LPXN: variants seen among roughly 807,000 people sequenced by gnomAD.
LPXN encodes the protein leupaxin.
A neutral mutation model predicts 45.6 loss-of-function variants in LPXN; 28 were observed. The ratio of observed to expected loss-of-function variants is 0.61; its 90% confidence interval spans 0.45 to 0.84. The LOEUF is 0.84. LPXN is among the 40% of genes least tolerant of loss of function. LPXN has a pLI of 0.00. For synonymous variants in LPXN, 166 were observed against 169.9 expected, an observed-to-expected ratio of 0.98 and a Z score of 0.18; for missense variants, 459 against 475.0, an observed-to-expected ratio of 0.97 and a Z score of 0.31.
intron 7 of LPXN, among the ~76,000 whole-genome samples, chr11:58,549,142 T>C (rs1404740202): frequency 6.6e-6 from 1 of 152,250 alleles, no homozygotes; most frequent in African/African-American, 2.4e-5. Flanking sequence ...ATGCCTGTAA[T>C]GCCAGCACTT....
intron 2 of LPXN, among the ~76,000 whole-genome samples, chr11:58,569,119 T>C (rs887564537): frequency 6.6e-6 from 1 of 152,206 alleles, no homozygotes; most frequent in Admixed American, 6.5e-5. Flanking sequence ...GGGCGTAAAC[T>C]ACCCCTGAGC....
chr11:58,562,469 C>G (rs1854407045), intron 3 of LPXN, among the ~76,000 whole-genome samples: 1 of 152,156 alleles, frequency 6.6e-6, no homozygotes, highest in African/African-American at 2.4e-5. Context: ...TTATGTCACT[C>G]TCCCACAGAG....
chr11:58,567,588 T>C (rs1854562150), intron 2 of LPXN, among the ~76,000 whole-genome samples: 1 of 152,218 alleles, frequency 6.6e-6, no homozygotes, highest in Admixed American at 6.5e-5. Flanking sequence ...GACATGTACA[T>C]AGGCCTCCTG....
chr11:58,546,845 T>C (rs1376248173), intron 7 of LPXN, among the ~76,000 whole-genome samples: 1 of 152,124 alleles, frequency 6.6e-6, no homozygotes, highest in Non-Finnish European at 1.5e-5. Flanking sequence ...AAACAGGTAG[T>C]CAAAGATTAC....
upstream of LPXN, among the ~76,000 whole-genome samples, chr11:58,577,265 A>C (rs1214915920): frequency 6.6e-6 from 1 of 152,224 alleles, no homozygotes; most frequent in Non-Finnish European, 1.5e-5. Flanking sequence ...TTCCATTGAC[A>C]CTATGCCAAT....
At chr11:58,529,377 G>A (rs1051751835) in intron 7 of LPXN, among the ~76,000 whole-genome samples, 13 of 152,010 alleles carry the variant, frequency 8.6e-5, no homozygotes, top group East Asian at 1.9e-4. Flanking sequence ...TTGGGAGGCC[G>A]AGGCGGGTGG....
chr11:58,527,273 C>T lies in LPXN; in HGVS notation c.*181G>A. On this transcript the variant is annotated 3_prime_UTR_variant, in exon 9 of 9. Coordinates refer to ENST00000395074, the MANE Select transcript of LPXN (RefSeq NM_004811.3). ...TTTATAGAATTAACTGTATAGAAGC[C>T]TAAAAAATAAGATTATCAGCCTAGT... The T allele has an allele frequency of 1.6e-6, 1 of 614,728 alleles. No homozygotes were observed. The highest frequency in any genetic ancestry group is 2.1e-5 in the South Asian group (1 of 48,102). 38.1% of individuals were successfully genotyped at this position (614,728 alleles called of 1,614,324 possible).
Position 58,554,040 on chromosome 11 carries a change from A to C in LPXN, c.318+801T>G, listed in dbSNP as rs894230748. The stretch of plus-strand genomic sequence containing the variant: ...TTTAACAGTCCTTTTGGCCGGGCGC[A>C]GTGGCTCACGCCTGTAATCCCAGCA... On this transcript the variant is annotated intron_variant, in intron 4 of 8. Transcript: ENST00000395074. 2.0e-5 allele frequency: 3 copies of C among 152,636 alleles called. 1 individual carries two copies. The highest frequency in any genetic ancestry group is 2.0e-4 in the Admixed American group (3 of 15,272). The allele number at this position is 152,636 out of a possible 1,614,324, so 9.5% of individuals were successfully genotyped here. A position where few individuals can be genotyped will look rare whatever the true frequency, so the allele number is the denominator to read the frequency against.
chr11:58,576,178 CT>C (rs764553389), upstream of LPXN, among the ~76,000 whole-genome samples: 174 of 144,248 alleles, frequency 1.2e-3, 3 homozygotes, highest in Middle Eastern at 3.5e-3. Flanking sequence ...TTTCTTTTTT[CT>C]TTTTTTTTTT....
chr11:58,555,756 A>T (rs1436781970), intron 3 of LPXN, among the ~76,000 whole-genome samples: 1 of 104,460 alleles, frequency 9.6e-6, no homozygotes, highest in Admixed American at 1.1e-4. Flanking sequence ...ACACACACAC[A>T]CTCACACACA....
At chr11:58,539,887 C>G (rs188001409) in intron 7 of LPXN, among the ~76,000 whole-genome samples, 1 of 152,106 alleles carries the variant, frequency 6.6e-6, no homozygotes, top group Non-Finnish European at 1.5e-5. Flanking sequence ...CAGCATTTTA[C>G]TACCTATTCC....
chr11:58,560,870 T>C (rs1854353038), intron 3 of LPXN, among the ~76,000 whole-genome samples: 1 of 152,256 alleles, frequency 6.6e-6, no homozygotes, highest in Non-Finnish European at 1.5e-5. Flanking sequence ...ATGTATTATA[T>C]AATTTATCAA....
rs1702110285 is a variant in LPXN at position 58,559,658 on chromosome 11, T to A, written c.218+4497A>T. On this transcript the variant is annotated intron_variant, in intron 3 of 8. Coordinates refer to ENST00000395074, the MANE Select transcript of LPXN (RefSeq NM_004811.3). ...CAGGAGGCTGAGGTAGGAGGACTGC[T>A]TGAGCCCAGGAGTTCAAGACCAGCC... Among the ~76,000 whole-genome samples the A allele has an allele frequency of 1.3e-5, 2 of 152,134 alleles. 1 individual carries two copies. Among genetic ancestry groups the A allele is most frequent in the South Asian group, 4.1e-4 (2 of 4,832 alleles).
intron 3 of LPXN, among the ~76,000 whole-genome samples, chr11:58,559,415 A>G (rs1055126600): frequency 2.0e-5 from 3 of 152,206 alleles, no homozygotes; most frequent in Non-Finnish European, 2.9e-5. Context: ...TACATTTTCT[A>G]TGAGCAAATT....
intron 1 of LPXN, among the ~76,000 whole-genome samples, chr11:58,575,332 G>A (rs1002474310): frequency 2.0e-4 from 30 of 152,074 alleles, no homozygotes; most frequent in African/African-American, 5.6e-4. Flanking sequence ...TATACTTCTA[G>A]TCCGTCTTTT....
chr11:58,549,853 T>C lies in LPXN; in HGVS notation c.675A>G (p.Ala225=), dbSNP rs750803458. The change falls in exon 7 of 9, where the codon GCA becomes GCG. Residue 225 remains alanine (A), a synonymous_variant. Transcript: ENST00000395074. The part of the protein sequence containing the change: ...AAPILDKVLT[A]MNQTWHPEHF... ...GCTCTGGGTGCCAGGTCTGGTTCAT[T>C]GCTGTCAGCACTTTCTGGAAAGGGA... is the stretch of plus-strand genomic sequence containing the variant. The C allele has an allele frequency of 6.2e-7, 1 of 1,614,186 alleles. No individual in the cohort carries two copies. Among genetic ancestry groups the C allele is most frequent in the Admixed American group, 1.7e-5 (1 of 60,026 alleles).
At chr11:58,534,935 T>C (rs1853504273) in intron 7 of LPXN, among the ~76,000 whole-genome samples, 2 of 152,132 alleles carry the variant, frequency 1.3e-5, no homozygotes, top group African/African-American at 4.8e-5. Context: ...ATGGATAAAT[T>C]CCTGGACACT....
intron 7 of LPXN, among the ~76,000 whole-genome samples, chr11:58,538,177 G>A (rs1409700765): frequency 6.6e-6 from 1 of 152,108 alleles, no homozygotes; most frequent in Non-Finnish European, 1.5e-5. Flanking sequence ...TATCACTGAT[G>A]GACATTTGGG....
At chr11:58,528,274 C>A (rs1342223551) in intron 7 of LPXN, 83 bp from the exon 8 acceptor site, 1 of 1,251,668 alleles carries the variant, frequency 8.0e-7, no homozygotes. Flanking sequence ...CCCTTTCAAT[C>A]TCAGTGTCCT....
Sources: allele counts gnomAD v4.1 joint callset (sites outside exome capture counted in the v4.1 genomes callset), GRCh38; gene constraint gnomAD v4.1.1; transcripts MANE v1.5; gene names NCBI Gene and HGNC (gene_info 2026-07-23, HGNC 2026-07-21).